Variants in CIRSR observed in about 807,000 individuals in gnomAD.
The protein encoded by CIRSR is corepressor of RBPJ and splicing regulator.
At chr2:174,349,229 TG>T in the CIRSR span, 1 of 915,382 alleles carries the variant, frequency 1.1e-6, no homozygotes, top group Non-Finnish European at 1.6e-6. Flanking sequence ...TTTCATCAAC[TG>T]TAAGTTATGA....
chr2:174,349,939 C>G, the CIRSR span, among the ~76,000 whole-genome samples: 3 of 151,954 alleles, frequency 2.0e-5, no homozygotes, highest in Non-Finnish European at 4.4e-5. Context: ...GAATATTCTC[C>G]AGAAATTCTG....
At chr2:174,368,603 G>A in the CIRSR span, among the ~76,000 whole-genome samples, 2 of 152,176 alleles carry the variant, frequency 1.3e-5, no homozygotes, top group Non-Finnish European at 2.9e-5. Flanking sequence ...AGGACTGCTT[G>A]AGCCCAGGAG....
At chr2:174,390,104 T>G in the CIRSR span, among the ~76,000 whole-genome samples, 1 of 152,136 alleles carries the variant, frequency 6.6e-6, no homozygotes, top group African/African-American at 2.4e-5. Flanking sequence ...AGGGCCTCTG[T>G]CCTCCAGACC....
At chr2:174,381,658 G>GAAAA in the CIRSR span, 6 of 1,133,414 alleles carry the variant, frequency 5.3e-6, no homozygotes, top group South Asian at 4.8e-5. Flanking sequence ...CTGTGCCTCA[G>GAAAA]AAAAAAAAAA....
At chr2:174,354,575 T>TTATATATATCATATAATATATATTATATA in the CIRSR span, among the ~76,000 whole-genome samples, 1 of 15,360 alleles carries the variant, frequency 6.5e-5, no homozygotes, top group South Asian at 3.8e-3. Context: ...TATATTATAT[T>TTATATATATCATATAATATATATTATATA]ATATATTATA....
At chr2:174,379,814 C>G in the CIRSR span, among the ~76,000 whole-genome samples, 1 of 149,108 alleles carries the variant, frequency 6.7e-6, no homozygotes, top group South Asian at 2.2e-4. Flanking sequence ...ACCTCCACCT[C>G]CTGGGTTCCA....
chr2:174,388,254 A>G, the CIRSR span, among the ~76,000 whole-genome samples: 6 of 152,232 alleles, frequency 3.9e-5, no homozygotes, highest in Admixed American at 3.3e-4. Flanking sequence ...ACTGGAGTGC[A>G]ATGGCATGAT....
At chr2:174,363,616 G>T in the CIRSR span, among the ~76,000 whole-genome samples, 2 of 152,150 alleles carry the variant, frequency 1.3e-5, no homozygotes, top group African/African-American at 2.4e-5. Context: ...AGGTTTAATT[G>T]GACTTATAGT....
chr2:174,348,611 T>C, the CIRSR span: 1 of 1,614,240 alleles, frequency 6.2e-7, no homozygotes, highest in South Asian at 1.1e-5. Context: ...TGCTTTGCTC[T>C]TCACCAGGAT....
the CIRSR span, among the ~76,000 whole-genome samples, chr2:174,362,090 G>A: frequency 1.3e-5 from 2 of 152,236 alleles, no homozygotes; most frequent in East Asian, 3.9e-4. Flanking sequence ...TTGAACCTGG[G>A]AGTTTGAGAC....
At chr2:174,377,355 G>A in the CIRSR span, among the ~76,000 whole-genome samples, 1 of 152,148 alleles carries the variant, frequency 6.6e-6, no homozygotes, top group Non-Finnish European at 1.5e-5. Context: ...TTAGCTGGGG[G>A]CAAGGGAGGA....
At chr2:174,350,208 C>T in the CIRSR span, among the ~76,000 whole-genome samples, 12 of 152,106 alleles carry the variant, frequency 7.9e-5, no homozygotes, top group African/African-American at 2.7e-4. Context: ...CTCTATTGGA[C>T]CCAGCAGACA....
the CIRSR span, chr2:174,351,732 A>C: frequency 2.5e-6 from 4 of 1,607,082 alleles, no homozygotes; most frequent in Non-Finnish European, 3.4e-6. Flanking sequence ...GGCCCTGTTC[A>C]CAAAAATCAC....
chr2:174,348,948 C>G, the CIRSR span: 1 of 1,606,202 alleles, frequency 6.2e-7, no homozygotes, highest in Non-Finnish European at 8.5e-7. Context: ...GTTGTTATGC[C>G]CTGAACACTT....
chr2:174,383,844 T>C, the CIRSR span, among the ~76,000 whole-genome samples: 1 of 126,244 alleles, frequency 7.9e-6, no homozygotes, highest in Non-Finnish European at 1.6e-5. Context: ...TGGCTAGCTA[T>C]CTTCCAAAAA....
At chr2:174,375,464 T>C in the CIRSR span, among the ~76,000 whole-genome samples, 1 of 152,030 alleles carries the variant, frequency 6.6e-6, no homozygotes, top group South Asian at 2.1e-4. Flanking sequence ...AAAAATTAGC[T>C]GGGCATGGTG....
the CIRSR span, chr2:174,350,678 T>G: frequency 6.2e-7 from 1 of 1,606,142 alleles, no homozygotes; most frequent in Non-Finnish European, 8.5e-7. Flanking sequence ...TTTCTGTTTT[T>G]GTTTGGTTGT....
the CIRSR span, among the ~76,000 whole-genome samples, chr2:174,356,911 C>T: frequency 6.6e-6 from 1 of 152,046 alleles, no homozygotes; most frequent in African/African-American, 2.4e-5. Context: ...GCTATTACTT[C>T]CAAATTTATT....
At chr2:174,360,001 A>G in the CIRSR span, among the ~76,000 whole-genome samples, 1 of 152,234 alleles carries the variant, frequency 6.6e-6, no homozygotes, top group Non-Finnish European at 1.5e-5. Context: ...ATAGGTAGGA[A>G]TTGAACAATG....
Sources: gnomAD v4.1 joint callset for allele counts (sites outside exome capture counted in the v4.1 genomes callset) on GRCh38, gnomAD v4.1.1 for gene constraint, MANE v1.5 for transcripts, NCBI Gene and HGNC (gene_info 2026-07-23, HGNC 2026-07-21) for gene names.